NKAIN2: variants seen among roughly 807,000 people sequenced by gnomAD.
The protein encoded by NKAIN2 is sodium/potassium transporting ATPase interacting 2.
In NKAIN2, 14 loss-of-function variants were observed where a neutral mutation model predicts 32.6. The observed-to-expected ratio is 0.43, with a 90% CI of 0.28 to 0.67. The LOEUF is 0.67. NKAIN2 is among the 30% of genes least tolerant of loss of function. The probability of loss-of-function intolerance (pLI) is 0.17; values close to 1 mark genes in which losing one functional copy is unlikely to be tolerated. For synonymous variants in NKAIN2, 80 were observed against 87.2 expected, an observed-to-expected ratio of 0.92 and a Z score of 0.46; for missense variants, 198 against 258.3, an observed-to-expected ratio of 0.77 and a Z score of 1.60.
chr6:124,126,860 C>T (rs904760174), intron 1 of NKAIN2, among the ~76,000 whole-genome samples: 6 of 152,042 alleles, frequency 3.9e-5, no homozygotes, highest in East Asian at 1.9e-4. Context: ...GGGACTAAAG[C>T]GAGAAGACTG....
intron 1 of NKAIN2, among the ~76,000 whole-genome samples, chr6:124,208,509 T>A (rs1791009228): frequency 6.6e-6 from 1 of 151,784 alleles, no homozygotes; most frequent in Non-Finnish European, 1.5e-5. Flanking sequence ...TCTTTTCATA[T>A]ACTGATATAA....
chr6:124,161,842 T>C (rs750166909), intron 1 of NKAIN2, among the ~76,000 whole-genome samples: 2 of 152,042 alleles, frequency 1.3e-5, no homozygotes, highest in African/African-American at 2.4e-5. Flanking sequence ...TTGAGTACTA[T>C]GCTCACTACC....
intron 1 of NKAIN2, among the ~76,000 whole-genome samples, chr6:124,226,037 A>G (rs1322807051): frequency 6.6e-6 from 1 of 152,082 alleles, no homozygotes; most frequent in African/African-American, 2.4e-5. Context: ...AAGCCCCACT[A>G]AAATCATTGA....
chr6:124,144,756 A>G (rs1287856870), intron 1 of NKAIN2, among the ~76,000 whole-genome samples: 3 of 152,172 alleles, frequency 2.0e-5, no homozygotes, highest in Non-Finnish European at 4.4e-5. Flanking sequence ...TAAAAGCATA[A>G]TCTATGAAAT....
At chr6:124,159,571 AT>A in intron 1 of NKAIN2, among the ~76,000 whole-genome samples, 1 of 152,204 alleles carries the variant, frequency 6.6e-6, no homozygotes, top group Non-Finnish European at 1.5e-5. Flanking sequence ...ACTAAACGTG[AT>A]GTCTTTGAAA....
intron 3 of NKAIN2, among the ~76,000 whole-genome samples, chr6:124,626,094 T>TCCC (rs145583253): frequency 1.1e-5 from 1 of 90,590 alleles, no homozygotes; most frequent in Non-Finnish European, 2.1e-5. Context: ...CCCTCCCCAC[T>TCCC]CCCCACACCC....
chr6:124,660,058 A>G (rs988983915), intron 4 of NKAIN2, among the ~76,000 whole-genome samples: 5 of 152,150 alleles, frequency 3.3e-5, no homozygotes, highest in African/African-American at 1.2e-4. Context: ...TTCATTCTTT[A>G]AAATCCATTT....
intron 1 of NKAIN2, among the ~76,000 whole-genome samples, chr6:123,909,862 C>A (rs1562252116): frequency 1.3e-5 from 2 of 152,106 alleles, no homozygotes; most frequent in Non-Finnish European, 2.9e-5. Context: ...CAACCATTTG[C>A]ACAGCAATTA....
At chr6:124,419,616 T>A (rs1004661676) in intron 3 of NKAIN2, among the ~76,000 whole-genome samples, 1 of 152,160 alleles carries the variant, frequency 6.6e-6, no homozygotes, top group Admixed American at 6.6e-5. Flanking sequence ...TACTGCTACT[T>A]AGAAAGCAAC....
At chr6:124,314,518 G>A (rs1446733456) in intron 2 of NKAIN2, among the ~76,000 whole-genome samples, 2 of 152,114 alleles carry the variant, frequency 1.3e-5, no homozygotes, top group Non-Finnish European at 2.9e-5. Context: ...GGCAGAGGGA[G>A]CAGCTGCAAT....
At chr6:124,516,657 A>G (rs1302098123) in intron 3 of NKAIN2, among the ~76,000 whole-genome samples, 2 of 152,060 alleles carry the variant, frequency 1.3e-5, no homozygotes, top group Admixed American at 1.3e-4. Flanking sequence ...TTGTGTGTGG[A>G]TATGTCTGCA....
chr6:124,104,173 C>T (rs796260861), intron 1 of NKAIN2, among the ~76,000 whole-genome samples: 1 of 152,162 alleles, frequency 6.6e-6, no homozygotes, highest in Admixed American at 6.5e-5. Context: ...CCTATTTCTC[C>T]AGACATAGCA....
intron 1 of NKAIN2, among the ~76,000 whole-genome samples, chr6:123,996,937 T>A (rs998929453): frequency 2.0e-5 from 3 of 152,206 alleles, no homozygotes; most frequent in Non-Finnish European, 4.4e-5. Flanking sequence ...ATTTTAGTTG[T>A]GAATACTTTT....
At chr6:124,119,325 T>A (rs2114985639) in intron 1 of NKAIN2, among the ~76,000 whole-genome samples, 1 of 152,310 alleles carries the variant, frequency 6.6e-6, no homozygotes, top group African/African-American at 2.4e-5. Flanking sequence ...TCATGGAAAG[T>A]ACAATAATAA....
rs1449419549 is a variant in NKAIN2 at position 124,347,699 on chromosome 6, C to G, written c.193-7568C>G. 3.9e-5 allele frequency among the ~76,000 whole-genome samples: 6 copies of G among 152,156 alleles called. 1 individual carries two copies. The highest frequency in any genetic ancestry group is 5.9e-5 in the Non-Finnish European group (4 of 68,024). On this transcript the variant is annotated intron_variant, in intron 2 of 6. Coordinates refer to ENST00000368417, the MANE Select transcript of NKAIN2 (RefSeq NM_001040214.3). ...TTTCAGCTCCATCAGCTCCTTTAAG[C>G]ACTTCTCTGTATTGGTTATTCTAGT...
intron 4 of NKAIN2, among the ~76,000 whole-genome samples, chr6:124,752,047 A>G (rs1196058862): frequency 6.6e-6 from 1 of 151,990 alleles, no homozygotes; most frequent in Non-Finnish European, 1.5e-5. Context: ...ATATATGTAC[A>G]AGTGTCTGTA....
In NKAIN2 at chr6:124,248,967, C is replaced by A. The variant is rs111896067; in HGVS notation, c.55-34038C>A. On this transcript the variant is annotated intron_variant, in intron 1 of 6. Transcript: ENST00000368417. Reference sequence around the variant, plus strand: ...TCCTATTCTATACACAGATGTTGGGCAATGAAGTGAAATTAACAGGCAAGT... The same window carrying A: ...TCCTATTCTATACACAGATGTTGGGAAATGAAGTGAAATTAACAGGCAAGT... 2.0e-3 allele frequency among the ~76,000 whole-genome samples: 304 copies of A among 152,128 alleles called. 3 individuals are homozygous for A. The highest frequency in any genetic ancestry group is 6.9e-3 in the African/African-American group (287 of 41,524).
intron 3 of NKAIN2, among the ~76,000 whole-genome samples, chr6:124,608,335 A>G (rs906930814): frequency 5.3e-5 from 8 of 152,172 alleles, no homozygotes; most frequent in Admixed American, 3.3e-4. Context: ...CGGGCACTCC[A>G]TAAGTGTTTC....
intron 1 of NKAIN2, among the ~76,000 whole-genome samples, chr6:124,256,013 G>A (rs112078646): frequency 7.8e-4 from 119 of 152,262 alleles, no homozygotes; most frequent in African/African-American, 2.6e-3. Context: ...ATAGATATGG[G>A]AAAGAAAGTT....
Sources: gnomAD v4.1 joint callset for allele counts (sites outside exome capture counted in the v4.1 genomes callset) on GRCh38, gnomAD v4.1.1 for gene constraint, MANE v1.5 for transcripts, NCBI Gene and HGNC (gene_info 2026-07-23, HGNC 2026-07-21) for gene names.